Variants in EML1 observed in about 807,000 individuals in gnomAD.
The protein encoded by EML1 is echinoderm microtubule-associated protein-like 1.
A neutral mutation model predicts 110.4 loss-of-function variants in EML1; 27 were observed. The observed-to-expected ratio is 0.24, with a 90% CI of 0.18 to 0.34. The LOEUF (loss-of-function observed/expected upper bound fraction) is 0.34, where lower values mean the gene tolerates loss of function less well. EML1 is among the 10% of genes least tolerant of loss of function. The pLI is 1.00. For synonymous variants in EML1, 344 were observed against 385.8 expected (o/e 0.89, Z 1.27); for missense variants, 741 against 1,030.9 (o/e 0.72, Z 3.85).
At chr14:99,795,222 A>G (rs1242070296) in intron 1 of EML1, among the ~76,000 whole-genome samples, 1 of 152,068 alleles carries the variant, frequency 6.6e-6, no homozygotes, top group Non-Finnish European at 1.5e-5. Flanking sequence ...CATGAAGTTG[A>G]CCTACACGTC....
chr14:99,935,558 C>T (rs1301782709), intron 17 of EML1, among the ~76,000 whole-genome samples: 5 of 151,936 alleles, frequency 3.3e-5, no homozygotes, highest in African/African-American at 9.7e-5. Context: ...CCGAGGCGGG[C>T]GGATCACGAG....
intron 1 of EML1, among the ~76,000 whole-genome samples, chr14:99,844,295 A>G (rs1350001013): frequency 6.6e-6 from 1 of 152,128 alleles, no homozygotes; most frequent in Non-Finnish European, 1.5e-5. Context: ...CCTGGCCCAC[A>G]TAGCGAAACC....
chr14:99,785,603 G>C (rs912764985), intron 1 of EML1, among the ~76,000 whole-genome samples: 7 of 152,284 alleles, frequency 4.6e-5, no homozygotes, highest in Non-Finnish European at 8.8e-5. Flanking sequence ...GGAAAATACA[G>C]ATGATACGTT....
chr14:99,870,801 T>C (rs2059185012), intron 3 of EML1, among the ~76,000 whole-genome samples: 1 of 152,200 alleles, frequency 6.6e-6, no homozygotes, highest in African/African-American at 2.4e-5. Context: ...AAGAAAAAGC[T>C]TCCTTTCCAA....
At chr14:99,738,385 G>A (rs528420376) in intron 1 of EML1, among the ~76,000 whole-genome samples, 24 of 152,360 alleles carry the variant, frequency 1.6e-4, no homozygotes, top group African/African-American at 5.8e-4. Context: ...CAGGCAGGCA[G>A]AAGGGCGATC....
At chr14:99,840,395 G>A (rs575927043) in intron 1 of EML1, among the ~76,000 whole-genome samples, 5 of 152,324 alleles carry the variant, frequency 3.3e-5, no homozygotes, top group Admixed American at 6.5e-5. Context: ...CCCTCGGCTG[G>A]CCACATTCTA....
At position 99,901,047 on chromosome 14, in the gene EML1, T is replaced by G. The variant is rs373302274; in HGVS notation, c.1008+8T>G. On this transcript the variant is annotated splice_region_variant and intron_variant, in intron 9 of 21. Transcript: ENST00000262233. ...ATTGCATTCTCAAAATCTGTAAGTATGTGCCCTGTGGATATTGCTGTCTTC... is the reference window on the plus strand; with the variant it reads ...ATTGCATTCTCAAAATCTGTAAGTAGGTGCCCTGTGGATATTGCTGTCTTC... 1.2e-6 allele frequency: 2 copies of G among 1,608,138 alleles called. No homozygotes were observed. Among genetic ancestry groups the G allele is most frequent in the Non-Finnish European group, 1.7e-6 (2 of 1,174,676 alleles).
chr14:99,907,952 G>A (rs2059882279), intron 10 of EML1, among the ~76,000 whole-genome samples: 1 of 152,224 alleles, frequency 6.6e-6, no homozygotes. Context: ...CTGTAAGATT[G>A]TTTTCTTCCT....
intron 3 of EML1, among the ~76,000 whole-genome samples, chr14:99,872,698 A>G (rs947937236): frequency 6.6e-6 from 1 of 152,204 alleles, no homozygotes; most frequent in African/African-American, 2.4e-5. Flanking sequence ...TCTGTGGTAA[A>G]GTTCCTATAG....
At chr14:99,909,159 G>A in intron 10 of EML1, 186 bp from the exon 11 acceptor site, 1 of 867,338 alleles carries the variant, frequency 1.2e-6, no homozygotes, top group South Asian at 1.5e-5. Flanking sequence ...CAAGGAGGAG[G>A]TATTAAGGCC....
At chr14:99,767,730 C>T (rs1396602285) in intron 1 of EML1, among the ~76,000 whole-genome samples, 3 of 152,004 alleles carry the variant, frequency 2.0e-5, no homozygotes, top group Non-Finnish European at 4.4e-5. Flanking sequence ...AAATACAAGC[C>T]CCCCCTTATT....
chr14:99,899,631 A>G (rs1008114026), intron 8 of EML1, among the ~76,000 whole-genome samples: 2 of 152,050 alleles, frequency 1.3e-5, no homozygotes, highest in African/African-American at 4.8e-5. Flanking sequence ...TTAATATTTT[A>G]TACTTGAAAA....
At chr14:99,811,640 CAAA>C (rs71113224) in intron 1 of EML1, among the ~76,000 whole-genome samples, 46,526 of 119,678 alleles carry the variant, frequency 0.39, 9,285 homozygotes, top group South Asian at 0.57. Flanking sequence ...CTGTCTCTAC[CAAA>C]AAAAAAAAAA....
intron 4 of EML1, among the ~76,000 whole-genome samples, chr14:99,882,729 C>T (rs1247531529): frequency 6.6e-6 from 1 of 150,920 alleles, no homozygotes; most frequent in African/African-American, 2.4e-5. Context: ...TTGTGTTGGG[C>T]CACATTCAAA....
At chr14:99,796,936 TGA>T (rs71464634) in intron 1 of EML1, among the ~76,000 whole-genome samples, 52 of 150,028 alleles carry the variant, frequency 3.5e-4, no homozygotes, top group Admixed American at 2.7e-4. Flanking sequence ...TGTGTGTGTG[TGA>T]GAGAGTAATA....
chr14:99,772,521 C>T (rs933037954), upstream of EML1, among the ~76,000 whole-genome samples: 2 of 152,218 alleles, frequency 1.3e-5, no homozygotes, highest in Non-Finnish European at 2.9e-5. Flanking sequence ...AAACTCACCC[C>T]CTGGGGGTTG....
intron 1 of EML1, among the ~76,000 whole-genome samples, chr14:99,749,395 T>A (rs558064046): frequency 7.0e-4 from 106 of 152,300 alleles, no homozygotes; most frequent in Non-Finnish European, 1.3e-3. Context: ...CATTTGCATT[T>A]CCCTAGTGTC....
chr14:99,822,065 G>A (rs780534374), intron 1 of EML1, among the ~76,000 whole-genome samples: 26 of 152,198 alleles, frequency 1.7e-4, no homozygotes, highest in Admixed American at 9.2e-4. Context: ...TCGGTTGCTC[G>A]TGTTGGAACA....
At chr14:99,892,801 AT>A (rs1286041296) in intron 5 of EML1, among the ~76,000 whole-genome samples, 1 of 152,130 alleles carries the variant, frequency 6.6e-6, no homozygotes, top group Admixed American at 6.5e-5. Context: ...CACACTCTGC[AT>A]TTTTTATGTG....
Sources: allele counts gnomAD v4.1 joint callset (sites outside exome capture counted in the v4.1 genomes callset), GRCh38; gene constraint gnomAD v4.1.1; transcripts MANE v1.5; gene names NCBI Gene and HGNC (gene_info 2026-07-23, HGNC 2026-07-21).